The following SMU1 variants were observed in gnomAD, a reference collection of about 807,000 sequenced individuals.
SMU1 encodes the protein WD40 repeat-containing protein SMU1.
SMU1 carries 2 observed loss-of-function variants against 62.0 expected under a neutral mutation model. The observed-to-expected ratio is 0.03, with a 90% CI of 0.01 to 0.10. SMU1 has a LOEUF of 0.10. Ranked by LOEUF, SMU1 falls within the 10% of genes least tolerant of loss-of-function variation. The pLI is 1.00. For synonymous variants in SMU1, 188 were observed against 212.4 expected, an observed-to-expected ratio of 0.89 and a Z score of 1.00; for missense variants, 227 against 622.1, an observed-to-expected ratio of 0.36 and a Z score of 6.76.
chr9:33,054,617 T>C (rs1461095446), intron 9 of SMU1, among the ~76,000 whole-genome samples: 1 of 152,212 alleles, frequency 6.6e-6, no homozygotes, highest in Non-Finnish European at 1.5e-5. Context: ...AGAGAAGGGA[T>C]GGATCAAACA....
chr9:33,058,676 C>T (rs1257890510), intron 6 of SMU1, among the ~76,000 whole-genome samples: 1 of 151,974 alleles, frequency 6.6e-6, no homozygotes, highest in Non-Finnish European at 1.5e-5. Context: ...GGGAAAAAAC[C>T]AACTTGGATC....
chr9:33,054,598 G>A (rs1451108387), intron 9 of SMU1, among the ~76,000 whole-genome samples: 1 of 152,188 alleles, frequency 6.6e-6, no homozygotes, highest in Non-Finnish European at 1.5e-5. Context: ...AGAAATCTGA[G>A]ATGTGCTTAG....
At chr9:33,062,413 A>G (rs1839372969) in intron 4 of SMU1, among the ~76,000 whole-genome samples, 2 of 152,036 alleles carry the variant, frequency 1.3e-5, no homozygotes, top group African/African-American at 4.8e-5. Flanking sequence ...TCATCCACCT[A>G]TTTTCTTACA....
chr9:33,049,211 C>A (rs1839216735), intron 10 of SMU1, among the ~76,000 whole-genome samples: 3 of 152,230 alleles, frequency 2.0e-5, no homozygotes, highest in Non-Finnish European at 2.9e-5. Context: ...CAATACCCAA[C>A]TTCAAGATTT....
At chr9:33,053,051 G>T in intron 10 of SMU1, 72 bp downstream of exon 10, 1 of 1,433,564 alleles carries the variant, frequency 7.0e-7, no homozygotes, top group Non-Finnish European at 9.7e-7. Context: ...TGGGAGGGTG[G>T]GCCTGGACCA....
Position 33,043,258 on chromosome 9 carries a change from C to G in SMU1, c.*4035G>C, listed in dbSNP as rs984764086. ...AAAGCACAGTGAATGAGAACACTAGCAAGCTATGGCAATTTGAAAAAATGT... is the reference window on the plus strand; with the variant it reads ...AAAGCACAGTGAATGAGAACACTAGGAAGCTATGGCAATTTGAAAAAATGT... On this transcript the variant is annotated 3_prime_UTR_variant, in exon 12 of 12. Transcript: ENST00000397149. 1 of 152,238 alleles carries G rather than the reference C, an allele frequency of 6.6e-6. No individual in the cohort carries two copies. Among genetic ancestry groups the G allele is most frequent in the Non-Finnish European group, 1.5e-5 (1 of 68,046 alleles). 9.4% of individuals were successfully genotyped at this position (152,238 alleles called of 1,614,324 possible). A position where few individuals can be genotyped will look rare whatever the true frequency, so the allele number is the denominator to read the frequency against.
At chr9:33,076,111 G>T (rs1839543217) in intron 1 of SMU1, among the ~76,000 whole-genome samples, 1 of 152,196 alleles carries the variant, frequency 6.6e-6, no homozygotes, top group Non-Finnish European at 1.5e-5. Context: ...CTAGTTTGGG[G>T]TGAGGTTATC....
At chr9:33,054,027 G>A (rs1375686508) in intron 9 of SMU1, among the ~76,000 whole-genome samples, 1 of 152,224 alleles carries the variant, frequency 6.6e-6, no homozygotes, top group African/African-American at 2.4e-5. Flanking sequence ...GCTCACGCCT[G>A]TAATGTCAGC....
intron 1 of SMU1, among the ~76,000 whole-genome samples, chr9:33,074,632 C>G (rs1313629383): frequency 6.6e-6 from 1 of 151,974 alleles, no homozygotes; most frequent in Non-Finnish European, 1.5e-5. Flanking sequence ...AAAATAAAAC[C>G]TATGAGGTAA....
At chr9:33,070,265 A>C (rs1226361193) in intron 3 of SMU1, among the ~76,000 whole-genome samples, 1 of 152,248 alleles carries the variant, frequency 6.6e-6, no homozygotes, top group Non-Finnish European at 1.5e-5. Context: ...CACAAGGCAA[A>C]CAGGTTTATT....
chr9:33,059,622 C>T (rs762160024), intron 6 of SMU1, among the ~76,000 whole-genome samples: 1 of 146,498 alleles, frequency 6.8e-6, no homozygotes, highest in Non-Finnish European at 1.5e-5. Context: ...TTTTTTCCCC[C>T]GAGATGGAGT....
Position 33,061,533 on chromosome 9 carries a change from T to C in SMU1, c.630+516A>G, listed in dbSNP as rs1839361067. On this transcript the variant is annotated intron_variant, in intron 5 of 11. Transcript: ENST00000397149. ...GCAAATACACTTGTAATTCTGGGAA[T>C]TACCTAGAACACTTTTTCCTAGAAA... Among the ~76,000 whole-genome samples the C allele has an allele frequency of 2.0e-5, 3 of 152,042 alleles. No homozygotes were observed. The South Asian group carries it at 6.2e-4, about 32-fold the overall frequency.
intron 4 of SMU1, among the ~76,000 whole-genome samples, chr9:33,064,888 G>A (rs572999617): frequency 1.3e-5 from 2 of 152,128 alleles, no homozygotes; most frequent in African/African-American, 4.8e-5. Context: ...GATTACAGGC[G>A]CACGCCATGA....
chr9:33,048,518 A>T (rs915046741), intron 10 of SMU1, among the ~76,000 whole-genome samples: 1 of 152,202 alleles, frequency 6.6e-6, no homozygotes, highest in African/African-American at 2.4e-5. Flanking sequence ...CTAAAGAGAC[A>T]TATTACCCTT....
At chr9:33,074,459 A>C (rs890506573) in intron 1 of SMU1, among the ~76,000 whole-genome samples, 2 of 151,128 alleles carry the variant, frequency 1.3e-5, no homozygotes, top group Admixed American at 1.3e-4. Context: ...CAAAAAAAAA[A>C]ATTAGCTAGG....
rs776693490 is a variant in SMU1 at position 33,056,167 on chromosome 9, T to C, written c.1068A>G (p.Thr356=). The change falls in exon 9 of 12, where the codon ACA becomes ACG. Residue 356 remains threonine, a synonymous_variant. Coordinates refer to ENST00000397149, the MANE Select transcript of SMU1 (RefSeq NM_018225.3). The part of the protein sequence containing the change: ...RGHSSFVNEA[T]FTQDGHYIIS... ...TAATGTAATGTCCATCTTGTGTAAA[T>C]GTTGCTTCGTTAACAAAGGAGGAAT... 12 of 1,613,618 alleles carry C rather than the reference T, an allele frequency of 7.4e-6. No homozygotes were observed. Among genetic ancestry groups the C allele is most frequent in the Non-Finnish European group, 9.3e-6 (11 of 1,179,698 alleles).
Position 33,053,207 on chromosome 9 carries a change from A to C in SMU1, c.1206T>G (p.Ser402Arg). Reference protein sequence around the residue: ...STAGTDITVNSVILLPKNPEH... With the variant: ...STAGTDITVNRVILLPKNPEH... ...CAGGGTTTTTAGGAAGTAGAATCAC[A>C]CTGTTGACGGTAATATCTGTCCCTG... The change falls in exon 10 of 12, where the codon AGT becomes AGG. Residue 402 changes from serine (S) to arginine (R), a missense_variant. This residue lies in a region of SMU1 where 98 missense variants were observed against 195.9 expected (regional missense o/e 0.50). Coordinates refer to ENST00000397149, the MANE Select transcript of SMU1 (RefSeq NM_018225.3). 1 of 1,612,432 alleles carries C rather than the reference A, an allele frequency of 6.2e-7. No homozygotes were observed. The highest frequency in any genetic ancestry group is 8.5e-7 in the Non-Finnish European group (1 of 1,180,016).
intron 10 of SMU1, among the ~76,000 whole-genome samples, chr9:33,048,946 A>G (rs918295002): frequency 1.3e-5 from 2 of 152,242 alleles, no homozygotes; most frequent in African/African-American, 4.8e-5. Flanking sequence ...TTAAATGAGG[A>G]AAATTACAAA....
chr9:33,073,136 C>A (rs1839506029), intron 2 of SMU1, among the ~76,000 whole-genome samples: 1 of 152,118 alleles, frequency 6.6e-6, no homozygotes, highest in South Asian at 2.1e-4. Context: ...CTCTCTCGTG[C>A]CTGTAATCCC....
Sources: allele counts gnomAD v4.1 joint callset (sites outside exome capture counted in the v4.1 genomes callset), GRCh38; gene constraint gnomAD v4.1.1; regional missense constraint gnomAD v4.1.1; transcripts MANE v1.5; gene names NCBI Gene and HGNC (gene_info 2026-07-23, HGNC 2026-07-21).